Variants in MESD observed in about 807,000 individuals in gnomAD.
MESD encodes the protein LRP chaperone MESD.
Under a neutral mutation model 12.9 loss-of-function variants are expected in MESD, and 7 were observed. The observed-to-expected ratio is 0.54, with a 90% CI of 0.31 to 1.02. The LOEUF is 1.02. Among genes scored for constraint, MESD ranks in the 50% least tolerant of loss-of-function variants. The pLI is 0.05. For missense variants in MESD, 342 were observed against 296.7 expected (o/e 1.15, Z -1.12); for synonymous variants, 126 against 115.6 (o/e 1.09, Z -0.58).
At chr15:80,965,566 A>C (rs769986405) in intron 3 of MESD, among the ~76,000 whole-genome samples, 2 of 152,242 alleles carry the variant, frequency 1.3e-5, no homozygotes, top group Non-Finnish European at 2.9e-5. Context: ...ATGTCCATCA[A>C]TAATAGACTG....
Position 80,984,287 on chromosome 15 carries a change from G to C in MESD, c.214-2105C>G, listed in dbSNP as rs375987984. ...AATGCCAGCAACCAAAAAAAATGAA[G>C]TACTGGCTGGGTATGGTGGCTCACA... On this transcript the variant is annotated intron_variant, in intron 1 of 2. Coordinates refer to ENST00000261758, the MANE Select transcript of MESD (RefSeq NM_015154.3). Among the ~76,000 whole-genome samples the C allele has an allele frequency of 1.8e-4, 28 of 152,204 alleles. No homozygotes were observed. The East Asian group carries it at 4.8e-3, about 26-fold the overall frequency.
At chr15:80,989,464 C>T in intron 1 of MESD, 115 bp downstream of exon 1, 1 of 1,231,894 alleles carries the variant, frequency 8.1e-7, no homozygotes, top group Non-Finnish European at 1.1e-6. Context: ...GGATTCAAGG[C>T]ATGAGTAGAG....
Position 80,982,171 on chromosome 15 carries a change from G to A in MESD, c.225C>T (p.Asp75=). The part of the protein sequence containing the change: ...RLLEQWEKDD[D]IEEGDLPEHK... ...GCTCTGGAAGATCTCCTTCTTCAAT[G>A]TCATCATCTTTCTATCAGATTAGGG... Residue 75 remains aspartate, a synonymous_variant, in exon 2 of 3, where the codon GAC becomes GAT. Coordinates refer to ENST00000261758, the MANE Select transcript of MESD (RefSeq NM_015154.3). 6.2e-7 allele frequency: 1 copy of A among 1,613,630 alleles called. No homozygotes were observed. The highest frequency in any genetic ancestry group is 1.1e-5 in the South Asian group (1 of 91,062).
chr15:80,979,599 G>C, intron 2 of MESD, 122 bp from the exon 3 acceptor site: 2 of 1,232,926 alleles, frequency 1.6e-6, no homozygotes, highest in Non-Finnish European at 2.2e-6. Flanking sequence ...ATGAAAAATT[G>C]GATTTTCCAA....
At chr15:80,952,131 A>T in exon 4 of MESD, 2 of 454,696 alleles carry the variant, frequency 4.4e-6, no homozygotes, top group South Asian at 3.1e-5. Flanking sequence ...AGCCAGGCAG[A>T]AGCAGGACTC....
In MESD at chr15:80,978,239, T is replaced by G. The variant is rs1389776202; in HGVS notation, c.*980A>C. ...ACTTTTAATTTATTAAAATCACAATTGAGGGTTTTTCCCAAAGAATTTTAG... is the reference window on the plus strand; with the variant it reads ...ACTTTTAATTTATTAAAATCACAATGGAGGGTTTTTCCCAAAGAATTTTAG... On this transcript the variant is annotated 3_prime_UTR_variant, in exon 3 of 3. Transcript: ENST00000261758. The G allele has an allele frequency of 6.6e-6, 1 of 152,196 alleles. No homozygotes were observed. The highest frequency in any genetic ancestry group is 1.5e-5 in the Non-Finnish European group (1 of 68,042). The allele number at this position is 152,196 out of a possible 1,614,324, so 9.4% of individuals were successfully genotyped here. A position where few individuals can be genotyped will look rare whatever the true frequency, so the allele number is the denominator to read the frequency against.
chr15:80,966,479 G>C lies in MESD; in HGVS notation c.*288+12452C>G, dbSNP rs987791657. On this transcript the variant is annotated intron_variant, in intron 3 of 4. Transcript: ENST00000561312. ...GGCCCTTTGGTTTCTGAAAGTCACA[G>C]AGTATTACAGACAGAGAGACCTGAG... Among the ~76,000 whole-genome samples, 22 of 152,180 alleles carry C rather than the reference G, an allele frequency of 1.4e-4. 1 individual carries two copies. Among genetic ancestry groups the C allele is most frequent in the Admixed American group, 1.4e-3 (22 of 15,282 alleles).
Position 80,958,522 on chromosome 15 carries a change from G to A in MESD, c.*289-6226C>T, listed in dbSNP as rs142969897. On this transcript the variant is annotated intron_variant, in intron 3 of 4. Transcript: ENST00000561312. ...ATTTTTTCTATTTTTTGGTAGAGATGGGGTTTTGCCACGTTGCCCAGGCTG... is the reference window on the plus strand; with the variant it reads ...ATTTTTTCTATTTTTTGGTAGAGATAGGGTTTTGCCACGTTGCCCAGGCTG... 1.5e-3 allele frequency among the ~76,000 whole-genome samples: 224 copies of A among 152,286 alleles called. 13 individuals are homozygous for A. In the East Asian group the frequency reaches 0.03, roughly 20 times the overall value.
Position 80,978,904 on chromosome 15 carries a change from G to A in MESD, c.*315C>T. On this transcript the variant is annotated 3_prime_UTR_variant, in exon 3 of 3. Coordinates refer to ENST00000261758, the MANE Select transcript of MESD (RefSeq NM_015154.3). ...TCACAGCAGGTGCTTGGAGGGGAGT[G>A]GAATCTCAGTAGAGTTGATGACTCA... The A allele has an allele frequency of 5.4e-6, 2 of 372,308 alleles. No individual in the cohort carries two copies. The highest frequency in any genetic ancestry group is 9.7e-6 in the Non-Finnish European group (2 of 205,242). 23.1% of individuals were successfully genotyped at this position (372,308 alleles called of 1,614,324 possible).
At chr15:80,952,986 G>A (rs955758976) in intron 3 of MESD, 4 of 456,052 alleles carry the variant, frequency 8.8e-6, no homozygotes, top group Admixed American at 2.3e-5. Context: ...AGTGATCATC[G>A]CCTGGATTGG....
chr15:80,958,337 T>C (rs778705129), intron 3 of MESD, among the ~76,000 whole-genome samples: 1 of 152,116 alleles, frequency 6.6e-6, no homozygotes, highest in Non-Finnish European at 1.5e-5. Flanking sequence ...TTTCAATTAA[T>C]TAATTAATTT....
chr15:80,950,385 C>G (rs147664162), intron 4 of MESD: 1 of 152,414 alleles, frequency 6.6e-6, no homozygotes, highest in African/African-American at 2.4e-5. Context: ...GAAATGGGGA[C>G]AAGTCCCCTC....
At chr15:80,981,808 T>C (rs1187876444) in intron 2 of MESD, 142 bp downstream of exon 2, 1 of 644,074 alleles carries the variant, frequency 1.6e-6, no homozygotes, top group Non-Finnish European at 2.6e-6. Flanking sequence ...TGAGCCGAGA[T>C]CACGCCGCTG....
intron 2 of MESD, among the ~76,000 whole-genome samples, chr15:80,980,809 C>A (rs1311531291): frequency 1.4e-5 from 2 of 147,234 alleles, no homozygotes; most frequent in East Asian, 4.0e-4. Context: ...CTTTTACCAA[C>A]AATAAATGCC....
At chr15:80,957,993 C>T (rs1186561379) in intron 3 of MESD, among the ~76,000 whole-genome samples, 1 of 151,388 alleles carries the variant, frequency 6.6e-6, no homozygotes, top group African/African-American at 2.4e-5. Context: ...GACTAAATCT[C>T]TGGGTAGCCC....
chr15:80,979,517 AG>A (rs1225280588), intron 2 of MESD, 40 bp from the exon 3 acceptor site: 2 of 1,600,678 alleles, frequency 1.2e-6, no homozygotes, highest in South Asian at 2.2e-5. Flanking sequence ...AGCACGTACT[AG>A]TAAGGTGCTA....
intron 1 of MESD, among the ~76,000 whole-genome samples, chr15:80,986,457 T>C (rs967188877): frequency 3.3e-5 from 5 of 152,236 alleles, no homozygotes; most frequent in African/African-American, 9.6e-5. Flanking sequence ...AGGAGACAGA[T>C]ATGCTAATTA....
intron 2 of MESD, among the ~76,000 whole-genome samples, chr15:80,981,098 A>G (rs183952643): frequency 1.3e-5 from 2 of 151,738 alleles, no homozygotes; most frequent in African/African-American, 4.8e-5. Flanking sequence ...TGCTGGGATT[A>G]CAGAAGTGAG....
intron 4 of MESD, chr15:80,951,853 A>AGAT (rs1378811117): frequency 5.0e-5 from 8 of 160,700 alleles, no homozygotes; most frequent in African/African-American, 1.9e-4. Flanking sequence ...GGATAACCTA[A>AGAT]GATAAACAGT....
Sources: allele counts gnomAD v4.1 joint callset (sites outside exome capture counted in the v4.1 genomes callset), GRCh38; gene constraint gnomAD v4.1.1; transcripts MANE v1.5; gene names NCBI Gene and HGNC (gene_info 2026-07-23, HGNC 2026-07-21).